The following MUC7 variants were observed in gnomAD, a reference collection of about 807,000 sequenced individuals.
MUC7 encodes the protein mucin 7, secreted.
Under a neutral mutation model 2.5 loss-of-function variants are expected in MUC7, and 2 were observed. The ratio of observed to expected loss-of-function variants is 0.81; its 90% CI spans 0.33 to 2.55. MUC7 has a LOEUF of 2.55. MUC7 is among the 30% of genes most tolerant of loss of function. MUC7 has a pLI of 0.11. For missense variants in MUC7, 408 were observed against 455.6 expected, an observed-to-expected ratio of 0.90 and a Z score of 0.95; for synonymous variants, 133 against 173.4, an observed-to-expected ratio of 0.77 and a Z score of 1.83.
At chr4:70,449,458 G>A (rs2109713579) in intron 1 of MUC7, among the ~76,000 whole-genome samples, 1 of 152,260 alleles carries the variant, frequency 6.6e-6, no homozygotes, top group South Asian at 2.1e-4. Flanking sequence ...CCACCCCCAT[G>A]ATTCAGTTAT....
intron 1 of MUC7, among the ~76,000 whole-genome samples, chr4:70,438,968 C>G (rs1435321938): frequency 6.6e-6 from 1 of 152,048 alleles, no homozygotes; most frequent in Non-Finnish European, 1.5e-5. Context: ...ACTGGAAATA[C>G]AGCATAGAAA....
chr4:70,481,882 A>T lies in MUC7; in HGVS notation c.*4A>T. The T allele has an allele frequency of 6.2e-7, 1 of 1,612,036 alleles. No homozygotes were observed. Among genetic ancestry groups the T allele is most frequent in the Non-Finnish European group, 8.5e-7 (1 of 1,179,028 alleles). On this transcript the variant is annotated 3_prime_UTR_variant, in exon 3 of 3. Transcript: ENST00000304887. ...TGACGACATGGTGGAGCAATAGTAT[A>T]TTGTATGTTGTAAAGTGTTCTGTCA...
intron 1 of MUC7, among the ~76,000 whole-genome samples, chr4:70,456,667 C>T (rs1012917984): frequency 2.0e-5 from 3 of 152,126 alleles, no homozygotes; most frequent in African/African-American, 7.2e-5. Context: ...AAACACCTTC[C>T]ACAAGCTACC....
chr4:70,451,503 G>A (rs1274387245), intron 1 of MUC7, among the ~76,000 whole-genome samples: 8 of 152,110 alleles, frequency 5.3e-5, no homozygotes, highest in African/African-American at 1.7e-4. Context: ...ATGATCAGTG[G>A]AGCTTTTTAT....
At chr4:70,444,850 G>T (rs774062513) in intron 1 of MUC7, among the ~76,000 whole-genome samples, 1 of 152,070 alleles carries the variant, frequency 6.6e-6, no homozygotes, top group Non-Finnish European at 1.5e-5. Flanking sequence ...TCAGGAGTTC[G>T]AGACCAGCCT....
At position 70,463,168 on chromosome 4, in the gene MUC7, T is replaced by A. The variant is rs571757282; in HGVS notation, c.-92-9047T>A. ...CTCTAATGAAAGCCAACTCACAACT[T>A]TAGTAATACCAGAAGATACACTTCA... On this transcript the variant is annotated intron_variant, in intron 1 of 3. Transcript: ENST00000413702. 1.7e-4 allele frequency among the ~76,000 whole-genome samples: 26 copies of A among 151,354 alleles called. 1 individual carries two copies. In the East Asian group the frequency reaches 4.7e-3, roughly 27 times the overall value.
Position 70,480,979 on chromosome 4 carries a change from A to G in MUC7, c.235A>G (p.Asn79Asp), listed in dbSNP as rs776332319. Residue 79 changes from asparagine to aspartate, a missense_variant, in exon 3 of 3, where the codon AAT becomes GAT. By Grantham distance (23) the Asn-to-Asp change is conservative. Transcript: ENST00000304887. ...TAGGCCTAAGCTTCCACCTTCACCTAATAACCCCCCCAAATTCCCAAATCC... is the reference window on the plus strand; with the variant it reads ...TAGGCCTAAGCTTCCACCTTCACCTGATAACCCCCCCAAATTCCCAAATCC... ...RCRPKLPPSP[N>D]NPPKFPNPHQ... 2.6e-5 allele frequency: 42 copies of G among 1,613,966 alleles called. No homozygotes were observed. The highest frequency in any genetic ancestry group is 1.7e-4 in the Middle Eastern group (1 of 6,060).
At chr4:70,446,803 A>G (rs372623515) in intron 1 of MUC7, among the ~76,000 whole-genome samples, 14 of 152,338 alleles carry the variant, frequency 9.2e-5, no homozygotes, top group African/African-American at 3.1e-4. Context: ...ACTAATGTAC[A>G]GGTAGAACAG....
At chr4:70,479,540 C>A (rs902786255) in intron 2 of MUC7, among the ~76,000 whole-genome samples, 1 of 152,140 alleles carries the variant, frequency 6.6e-6, no homozygotes, top group Non-Finnish European at 1.5e-5. Context: ...CGTAACCTAT[C>A]CTTGTTTGGG....
chr4:70,472,606 T>G (rs41506253), intron 1 of MUC7, among the ~76,000 whole-genome samples: 3 of 152,362 alleles, frequency 2.0e-5, no homozygotes, highest in African/African-American at 7.2e-5. Context: ...ATAATACCAC[T>G]GAGACTTTAT....
At chr4:70,480,254 G>A (rs1735126176) in intron 2 of MUC7, among the ~76,000 whole-genome samples, 1 of 152,180 alleles carries the variant, frequency 6.6e-6, no homozygotes, top group Admixed American at 6.5e-5. Flanking sequence ...AATTTATAAA[G>A]GCTAAAAACT....
chr4:70,464,239 A>G (rs1188407394), intron 1 of MUC7, among the ~76,000 whole-genome samples: 1 of 152,148 alleles, frequency 6.6e-6, no homozygotes, highest in East Asian at 1.9e-4. Flanking sequence ...TTTTCCCACC[A>G]TCTTCACAAC....
intron 1 of MUC7, among the ~76,000 whole-genome samples, chr4:70,451,436 TG>T (rs1734277673): frequency 1.3e-5 from 2 of 152,226 alleles, no homozygotes; most frequent in Non-Finnish European, 2.9e-5. Context: ...TCGGTTCTTA[TG>T]AAGGTGTTTT....
chr4:70,451,565 A>G (rs900116597), intron 1 of MUC7, among the ~76,000 whole-genome samples: 2 of 151,766 alleles, frequency 1.3e-5, no homozygotes, highest in Non-Finnish European at 2.9e-5. Context: ...GTGTTTGTAT[A>G]CTTTCCAAAA....
exon 1 of MUC7, chr4:70,430,520 A>T (rs546722299): frequency 6.6e-6 from 1 of 152,126 alleles, no homozygotes; most frequent in Non-Finnish European, 1.5e-5. Flanking sequence ...CTATTCCTAA[A>T]AGAATCTAGT....
chr4:70,481,018 A>C lies in MUC7; in HGVS notation c.274A>C (p.Lys92Gln). The C allele has an allele frequency of 6.2e-7, 1 of 1,614,064 alleles. No individual in the cohort carries two copies. The change falls in exon 3 of 3, where the codon AAA (lysine) becomes CAA (glutamine). Residue 92 changes from lysine to glutamine, a missense_variant. Physicochemically the swap from Lys to Gln is moderately conservative, Grantham distance 53. This residue lies in a region of MUC7 where 225 missense variants were observed against 240.5 expected (regional missense o/e 0.94). Transcript: ENST00000304887. ...ATTCCCAAATCCTCACCAGCCACCT[A>C]AACATCCAGATAAAAATAGCAGTGT... is the stretch of plus-strand genomic sequence containing the variant. Reference protein sequence around the residue: ...PKFPNPHQPPKHPDKNSSVVN... With the variant: ...PKFPNPHQPPQHPDKNSSVVN...
chr4:70,452,139 G>A (rs28878531), intron 1 of MUC7, among the ~76,000 whole-genome samples: 25,557 of 152,060 alleles, frequency 0.17, 2,280 homozygotes, highest in Middle Eastern at 0.21. Context: ...CAGTCTATGT[G>A]CACATTTATG....
chr4:70,468,345 A>G (rs1308324917), upstream of MUC7, among the ~76,000 whole-genome samples: 1 of 152,132 alleles, frequency 6.6e-6, no homozygotes, highest in East Asian at 1.9e-4. Flanking sequence ...GAAAACCACC[A>G]GCACAAGACA....
chr4:70,473,376 G>T (rs1309169652), intron 1 of MUC7, among the ~76,000 whole-genome samples: 1 of 151,890 alleles, frequency 6.6e-6, no homozygotes, highest in East Asian at 1.9e-4. Context: ...TCTGGGGGGT[G>T]CAGGCTGCAG....
Sources: gnomAD v4.1 joint callset for allele counts (sites outside exome capture counted in the v4.1 genomes callset) on GRCh38, gnomAD v4.1.1 for gene constraint, gnomAD v4.1.1 regional missense constraint, MANE v1.5 for transcripts, NCBI Gene and HGNC (gene_info 2026-07-23, HGNC 2026-07-21) for gene names.